The following SPATC1L variants were observed in gnomAD, a reference collection of about 807,000 sequenced individuals.
The protein encoded by SPATC1L is speriolin-like protein.
A neutral mutation model predicts 21.2 loss-of-function variants in SPATC1L; 20 were observed. The observed-to-expected ratio is 0.94, with a 90% CI of 0.66 to 1.37. The LOEUF (loss-of-function observed/expected upper bound fraction) is 1.37. SPATC1L is among the 40% of genes most tolerant of loss of function. The probability of loss-of-function intolerance (pLI) is 0.00; values close to 1 mark genes in which losing one functional copy is unlikely to be tolerated. For synonymous variants in SPATC1L, 290 were observed against 234.5 expected, an observed-to-expected ratio of 1.24 and a Z score of -2.16; for missense variants, 499 against 478.7, an observed-to-expected ratio of 1.04 and a Z score of -0.40.
In SPATC1L at chr21:46,162,060, C is replaced by G; in HGVS notation, c.552G>C (p.Gln184His). Residue 184 changes from glutamine to histidine, a missense_variant, in exon 4 of 5, where the codon CAG (glutamine) becomes CAC (histidine). Coordinates refer to ENST00000291672, the MANE Select transcript of SPATC1L (RefSeq NM_001142854.2). ...CGTCCTTCTCGGCGCCCGCGAAGCT[C>G]TGGATCTCTGGGGGAGGGAAGGCCG... is the stretch of plus-strand genomic sequence containing the variant. The part of the protein sequence containing the change: ...TRRSYYLNEI[Q>H]SFAGAEKDAR... The G allele has an allele frequency of 1.3e-6, 2 of 1,574,196 alleles. No individual in the cohort carries two copies. Among genetic ancestry groups the G allele is most frequent in the Non-Finnish European group, 8.6e-7 (1 of 1,162,542 alleles).
chr21:46,161,658 G>T lies in SPATC1L; in HGVS notation c.744C>A (p.Arg248=). The T allele has an allele frequency of 6.2e-7, 1 of 1,608,678 alleles. No homozygotes were observed. Among genetic ancestry groups the T allele is most frequent in the South Asian group, 1.1e-5 (1 of 90,640 alleles). ...LDGSVDERKL[R]ELTQRYLALS... ...GGGCCAGGTAGCGCTGCGTCAGCTC[G>T]CGCAGCTTCCTCTCGTCCACGGAGC... Residue 248 remains arginine, a synonymous_variant, in exon 5 of 5, where the codon CGC becomes CGA. Coordinates refer to ENST00000291672, the MANE Select transcript of SPATC1L (RefSeq NM_001142854.2).
At chr21:46,166,538 C>A (rs2079541368) in intron 3 of SPATC1L, among the ~76,000 whole-genome samples, 2 of 150,938 alleles carry the variant, frequency 1.3e-5, no homozygotes, top group African/African-American at 4.9e-5. Context: ...ACAAGAAACA[C>A]ACGTCGCCTA....
chr21:46,163,721 C>T (rs2079519746), intron 3 of SPATC1L, among the ~76,000 whole-genome samples: 1 of 152,202 alleles, frequency 6.6e-6, no homozygotes, highest in South Asian at 2.1e-4. Flanking sequence ...GGCAGTACCA[C>T]AGTCTTGTTA....
At chr21:46,161,783 T>G in intron 4 of SPATC1L, 78 bp from the exon 5 acceptor site, 1 of 1,483,464 alleles carries the variant, frequency 6.7e-7, no homozygotes, top group Non-Finnish European at 9.0e-7. Context: ...GGCCGATCCC[T>G]GCCCCGCCCG....
Position 46,167,081 on chromosome 21 carries a change from G to C in SPATC1L, c.544+1227C>G, listed in dbSNP as rs569688526. ...TGAAATTATATCAAGTATCTTCTCC[G>C]ACCATAATGGAATAAAATGAAATCA... On this transcript the variant is annotated intron_variant, in intron 3 of 4. Transcript: ENST00000291672. Among the ~76,000 whole-genome samples, 3 of 152,188 alleles carry C rather than the reference G, an allele frequency of 2.0e-5. No homozygotes were observed. In the East Asian group the frequency reaches 5.8e-4, roughly 29 times the overall value.
At position 46,161,273 on chromosome 21, in the gene SPATC1L, CGGGGGACGCGGCCCTTTCCCCTCCG is replaced by C; in HGVS notation, c.*81_*105del. On this transcript the variant is annotated 3_prime_UTR_variant, in exon 5 of 5. Transcript: ENST00000291672. ...GCGGGGCCTTCTCTGGCCTCGCGCGCGGGGGACGCGGCCCTTTCCCCTCCGGGGGGACGCGCAGGAGGCACCGCGG... is the reference window on the plus strand; with the variant it reads ...GCGGGGCCTTCTCTGGCCTCGCGCGCGGGGGACGCGCAGGAGGCACCGCGG... The C allele has an allele frequency of 8.8e-7, 1 of 1,138,310 alleles. No individual in the cohort carries two copies. The highest frequency in any genetic ancestry group is 1.2e-6 in the Non-Finnish European group (1 of 849,468). 70.5% of individuals were successfully genotyped at this position (1,138,310 alleles called of 1,614,324 possible).
At chr21:46,173,451 G>A (rs2079608390) in intron 2 of SPATC1L, among the ~76,000 whole-genome samples, 1 of 152,258 alleles carries the variant, frequency 6.6e-6, no homozygotes, top group East Asian at 1.9e-4. Flanking sequence ...GTCTGCACAG[G>A]TGGGTTTTGA....
intron 3 of SPATC1L, among the ~76,000 whole-genome samples, 168 bp downstream of exon 3, chr21:46,168,140 A>C (rs1214379622): frequency 1.3e-5 from 2 of 152,134 alleles, no homozygotes; most frequent in East Asian, 3.9e-4. Flanking sequence ...TGGACAAAAG[A>C]CTAGGACAGA....
At chr21:46,179,777 T>C (rs1263112791) in intron 2 of SPATC1L, among the ~76,000 whole-genome samples, 1 of 152,234 alleles carries the variant, frequency 6.6e-6, no homozygotes. Context: ...GTGGCCGTGC[T>C]GGAGGGACCA....
Position 46,172,097 on chromosome 21 carries a change from G to GCGGGGGATGCA in SPATC1L, c.194-3440_194-3439insTGCATCCCCCG, listed in dbSNP as rs1185475416. Among the ~76,000 whole-genome samples the GCGGGGGATGCA allele has an allele frequency of 1.4e-3, 90 of 64,194 alleles. 25 individuals carry two copies. Among genetic ancestry groups the GCGGGGGATGCA allele is most frequent in the Non-Finnish European group, 2.4e-3 (62 of 25,640 alleles). The allele number at this position is 64,194 out of a possible 152,430, so 42.1% of individuals were successfully genotyped here. On this transcript the variant is annotated intron_variant, in intron 2 of 4. Transcript: ENST00000291672. Reference sequence around the variant, plus strand: ...AGGCGGGGGATGCACAGAGCATGAGGCAGGAGTGCAGAGCATGAGGCGGGG... The same window carrying GCGGGGGATGCA: ...AGGCGGGGGATGCACAGAGCATGAGGCGGGGGATGCACAGGAGTGCAGAGCATGAGGCGGGG...
Position 46,183,036 on chromosome 21 carries a change from C to G in SPATC1L, c.-220G>C. 1 of 523,206 alleles carries G rather than the reference C, an allele frequency of 1.9e-6. No individual in the cohort carries two copies. The highest frequency in any genetic ancestry group is 3.3e-6 in the Non-Finnish European group (1 of 303,710). 32.4% of individuals were successfully genotyped at this position (523,206 alleles called of 1,614,324 possible). ...CGTTGAGGCAGTGAAGCTGGAGGCC[C>G]GTGGCGTGCACAGGCAGCCACTCCC... On this transcript the variant is annotated 5_prime_UTR_variant, in exon 2 of 5. Transcript: ENST00000291672.
Position 46,182,680 on chromosome 21 carries a change from T to C in SPATC1L, c.137A>G (p.Asp46Gly). ...SQSCQEGGGH[D>G]LLPPRAHAYP... ...GGCATGCGCCCTGGGTGGGAGCAGG[T>C]CGTGGCCGCCGCCCTCCTGGCAGCT... Residue 46 changes from aspartate (D) to glycine (G), a missense_variant, in exon 2 of 5, where the codon GAC becomes GGC. By Grantham distance (94) the Asp-to-Gly change is moderately conservative. Coordinates refer to ENST00000291672, the MANE Select transcript of SPATC1L (RefSeq NM_001142854.2). The C allele has an allele frequency of 1.3e-6, 2 of 1,542,046 alleles. No individual in the cohort carries two copies. Among genetic ancestry groups the C allele is most frequent in the Non-Finnish European group, 1.7e-6 (2 of 1,146,270 alleles).
chr21:46,174,332 C>CAAAAAAAAAAAAA, intron 2 of SPATC1L, among the ~76,000 whole-genome samples: 1 of 34,258 alleles, frequency 2.9e-5, no homozygotes, highest in Non-Finnish European at 6.7e-5. Flanking sequence ...GACTCTGTCT[C>CAAAAAAAAAAAAA]AAAAAACAAA....
intron 2 of SPATC1L, among the ~76,000 whole-genome samples, chr21:46,176,148 T>C (rs939260669): frequency 2.0e-5 from 3 of 152,286 alleles, no homozygotes; most frequent in South Asian, 4.1e-4. Flanking sequence ...TGAAGGAACA[T>C]ACCTCAAAAT....
At chr21:46,163,936 T>C (rs544840303) in intron 3 of SPATC1L, among the ~76,000 whole-genome samples, 1 of 152,350 alleles carries the variant, frequency 6.6e-6, no homozygotes, top group African/African-American at 2.4e-5. Flanking sequence ...ATCAAAATTA[T>C]TGATTTTTGA....
chr21:46,177,107 A>G (rs1274146874), intron 2 of SPATC1L, among the ~76,000 whole-genome samples: 1 of 152,224 alleles, frequency 6.6e-6, no homozygotes, highest in African/African-American at 2.4e-5. Flanking sequence ...ATATACAAAA[A>G]TCAACTCAAT....
chr21:46,172,098 C>T lies in SPATC1L; in HGVS notation c.194-3440G>A, dbSNP rs1569001167. Reference sequence around the variant, plus strand: ...GGCGGGGGATGCACAGAGCATGAGGCAGGAGTGCAGAGCATGAGGCGGGGG... The same window carrying T: ...GGCGGGGGATGCACAGAGCATGAGGTAGGAGTGCAGAGCATGAGGCGGGGG... On this transcript the variant is annotated intron_variant, in intron 2 of 4. Coordinates refer to ENST00000291672, the MANE Select transcript of SPATC1L (RefSeq NM_001142854.2). Among the ~76,000 whole-genome samples the T allele has an allele frequency of 3.2e-4, 12 of 37,178 alleles. 1 individual carries two copies. The highest frequency in any genetic ancestry group is 1.4e-3 in the Admixed American group (3 of 2,166). The allele number at this position is 37,178 out of a possible 152,430, so 24.4% of individuals were successfully genotyped here.
chr21:46,172,075 C>T (rs1009660977), intron 2 of SPATC1L, among the ~76,000 whole-genome samples: 7 of 138,266 alleles, frequency 5.1e-5, no homozygotes, highest in Admixed American at 7.6e-5. Context: ...GAGCATGAGG[C>T]GGGGGATGCA....
chr21:46,166,970 C>T (rs2079545435), intron 3 of SPATC1L, among the ~76,000 whole-genome samples: 1 of 152,196 alleles, frequency 6.6e-6, no homozygotes, highest in African/African-American at 2.4e-5. Context: ...GTGCAGAATA[C>T]ACCTGCTTCT....
Sources: gnomAD v4.1 joint callset for allele counts (sites outside exome capture counted in the v4.1 genomes callset) on GRCh38, gnomAD v4.1.1 for gene constraint, MANE v1.5 for transcripts, NCBI Gene and HGNC (gene_info 2026-07-23, HGNC 2026-07-21) for gene names.